SPTA1: variants seen among roughly 807,000 people sequenced by gnomAD.
The protein encoded by SPTA1 is spectrin alpha, erythrocytic 1.
Under a neutral mutation model 324.7 loss-of-function variants are expected in SPTA1, and 177 were observed. That is an observed-to-expected ratio of 0.55 (90% CI 0.48 to 0.62). SPTA1 has a LOEUF of 0.62. SPTA1 is among the 20% of genes least tolerant of loss of function. SPTA1 has a pLI of 0.00. For missense variants in SPTA1, 3,162 were observed against 2,883.6 expected, an observed-to-expected ratio of 1.10 and a Z score of -2.21; for synonymous variants, 1,195 against 1,041.3, an observed-to-expected ratio of 1.15 and a Z score of -2.84.
rs1175192775 is a variant in SPTA1 at position 158,677,726 on chromosome 1, C to T, written c.921G>A (p.Lys307=). The stretch of plus-strand genomic sequence containing the variant: ...TGACAGCAAGATTTCTCTCAAGTCC[C>T]TTGTGACTGTGAAACAGTCCTTCAG... ...VASEGLFHSH[K]GLERNLAVMS... Residue 307 remains lysine (K), a synonymous_variant, in exon 7 of 52, where the codon AAG becomes AAA. Transcript: ENST00000643759. 2 of 1,613,590 alleles carry T rather than the reference C, an allele frequency of 1.2e-6. No individual in the cohort carries two copies. The highest frequency in any genetic ancestry group is 8.5e-7 in the Non-Finnish European group (1 of 1,179,734).
chr1:158,614,327 A>T (rs1436673750), intron 48 of SPTA1, 21 bp from the exon 49 acceptor site: 2 of 1,428,030 alleles, frequency 1.4e-6, no homozygotes, highest in African/African-American at 2.8e-5. Context: ...AAAAAAAAAC[A>T]TGAATTTTCC....
Position 158,686,685 on chromosome 1 carries a change from A to G in SPTA1, c.-168T>C. The stretch of plus-strand genomic sequence containing the variant: ...GCTTGGTCCTAGAATCCCATCAGCC[A>G]TACACAATCGACATTATCTTTAGAA... On this transcript the variant is annotated 5_prime_UTR_variant, in exon 1 of 52. The change abolishes an upstream ATG in the 5' untranslated region. Coordinates refer to ENST00000643759, the MANE Select transcript of SPTA1 (RefSeq NM_003126.4). The G allele has an allele frequency of 5.0e-6, 3 of 597,206 alleles. No homozygotes were observed. Among genetic ancestry groups the G allele is most frequent in the Non-Finnish European group, 8.9e-6 (3 of 335,330 alleles). 37.0% of individuals were successfully genotyped at this position (597,206 alleles called of 1,614,324 possible).
In SPTA1 at chr1:158,661,353, T is replaced by A. The variant is rs1464300672; in HGVS notation, c.2521A>T (p.Asn841Tyr). The A allele has an allele frequency of 6.2e-7, 1 of 1,613,966 alleles. No individual in the cohort carries two copies. The highest frequency in any genetic ancestry group is 8.5e-7 in the Non-Finnish European group (1 of 1,179,914). ...LLNRHRVILE[N>Y]IASHEPRIQE... is the part of the protein sequence containing the mutation. ...ATGCGTGGTTCATGGCTGGCAATGT[T>A]CTCCAGGATGACTCTATGCCTATTC... Residue 841 changes from asparagine (N) to tyrosine (Y), a missense_variant, in exon 18 of 52, where the codon AAC becomes TAC. Asn to Tyr is a moderately radical substitution (Grantham distance 143). Transcript: ENST00000643759.
intron 36 of SPTA1, 109 bp downstream of exon 36, chr1:158,637,924 T>C: frequency 8.0e-7 from 1 of 1,255,798 alleles, no homozygotes; most frequent in Non-Finnish European, 1.2e-6. Flanking sequence ...GAAGTAGTGC[T>C]ATCTTCAAGA....
rs1288004049 is a variant in SPTA1, at chr1:158,686,580, A to G, written c.-63T>C. 1 of 1,311,722 alleles carries G rather than the reference A, an allele frequency of 7.6e-7. No homozygotes were observed. The highest frequency in any genetic ancestry group is 1.1e-6 in the Non-Finnish European group (1 of 905,292). The allele number at this position is 1,311,722 out of a possible 1,614,324, so 81.3% of individuals were successfully genotyped here. On this transcript the variant is annotated 5_prime_UTR_variant, in exon 1 of 52. Coordinates refer to ENST00000643759, the MANE Select transcript of SPTA1 (RefSeq NM_003126.4). Reference sequence around the variant, plus strand: ...GTCAGAGAGAGAGAGAGAGAGAAATAATTCAAATGGAACTGTCCAGTCGAA... The same window carrying G: ...GTCAGAGAGAGAGAGAGAGAGAAATGATTCAAATGGAACTGTCCAGTCGAA...
intron 20 of SPTA1, among the ~76,000 whole-genome samples, chr1:158,656,338 T>C (rs1353737193): frequency 6.6e-6 from 1 of 152,084 alleles, no homozygotes. Context: ...AAGCCAAAAA[T>C]ACATCAATGA....
chr1:158,668,325 C>A lies in SPTA1; in HGVS notation c.1834-263G>T, dbSNP rs879236. ...GAAGATCATTTTGAATATGACACCC[C>A]ATTCAAGCACTAACAATCAGAGCTG... On this transcript the variant is annotated intron_variant, in intron 14 of 51. Coordinates refer to ENST00000643759, the MANE Select transcript of SPTA1 (RefSeq NM_003126.4). 0.19 allele frequency among the ~76,000 whole-genome samples: 28,457 copies of A among 152,052 alleles called. 2,735 individuals carry two copies. The highest frequency in any genetic ancestry group is 0.26 in the South Asian group (1,265 of 4,816).
At position 158,676,238 on chromosome 1, in the gene SPTA1, G is replaced by A; in HGVS notation, c.1015C>T (p.Pro339Ser). The A allele has an allele frequency of 1.2e-6, 2 of 1,613,732 alleles. No individual in the cohort carries two copies. The highest frequency in any genetic ancestry group is 1.7e-6 in the Non-Finnish European group (2 of 1,179,754). Residue 339 changes from proline (P) to serine (S), a missense_variant, in exon 8 of 52, where the codon CCT (proline) becomes TCT (serine). By Grantham distance (74) the Pro-to-Ser change is moderately conservative (BLOSUM62 -1). Coordinates refer to ENST00000643759, the MANE Select transcript of SPTA1 (RefSeq NM_003126.4). ...KLTLSHPSDA[P>S]QIQEMKEDLV... is the part of the protein sequence containing the mutation. ...TCTTCTTTCATCTCCTGGATCTGAG[G>A]TGCATCTGAAGGATGGGAAAGTGTC... is the stretch of plus-strand genomic sequence containing the variant.
chr1:158,619,349 C>T lies in SPTA1; in HGVS notation c.6418-15G>A, dbSNP rs1231826125. On this transcript the variant is annotated splice_polypyrimidine_tract_variant and intron_variant, in intron 44 of 51. Transcript: ENST00000643759. Reference sequence around the variant, plus strand: ...TGCTCCCGTTCCTAAAACCCCAAATCACAGACAACGTGACTGACATCGAAG... The same window carrying T: ...TGCTCCCGTTCCTAAAACCCCAAATTACAGACAACGTGACTGACATCGAAG... 2 of 1,613,326 alleles carry T rather than the reference C, an allele frequency of 1.2e-6. No individual in the cohort carries two copies. The highest frequency in any genetic ancestry group is 2.7e-5 in the African/African-American group (2 of 74,910).
intron 42 of SPTA1, among the ~76,000 whole-genome samples, chr1:158,624,775 G>T (rs922411705): frequency 2.0e-5 from 3 of 152,162 alleles, no homozygotes; most frequent in Admixed American, 2.0e-4. Flanking sequence ...CACAAGTCTA[G>T]AAGCCAAGCA....
rs116573558 is a variant in SPTA1, at chr1:158,668,206, G to A, written c.1834-144C>T. 1.2e-3 allele frequency: 1,115 copies of A among 947,686 alleles called. 13 individuals are homozygous for A. The African/African-American group carries it at 0.016, about 14-fold the overall frequency. 58.7% of individuals were successfully genotyped at this position (947,686 alleles called of 1,614,324 possible). A position where few individuals can be genotyped will look rare whatever the true frequency, so the allele number is the denominator to read the frequency against. ...AAAGGGGGAAGTTTCCTAGTCCAAC[G>A]TTTGAGAAATTCATGCAATGAATCC... On this transcript the variant is annotated intron_variant, in intron 14 of 51. Coordinates refer to ENST00000643759, the MANE Select transcript of SPTA1 (RefSeq NM_003126.4).
At chr1:158,683,115 T>A (rs975425053) in intron 3 of SPTA1, among the ~76,000 whole-genome samples, 2 of 152,120 alleles carry the variant, frequency 1.3e-5, no homozygotes, top group East Asian at 1.9e-4. Flanking sequence ...GTGGGCTTGA[T>A]CTTGAGCCAA....
At chr1:158,662,138 A>T (rs1015116955) in intron 17 of SPTA1, among the ~76,000 whole-genome samples, 5 of 152,180 alleles carry the variant, frequency 3.3e-5, no homozygotes. Flanking sequence ...TCCCAGACTA[A>T]ACCTTTCATT....
chr1:158,661,518 A>G, intron 17 of SPTA1, 109 bp from the exon 18 acceptor site: 1 of 1,413,776 alleles, frequency 7.1e-7, no homozygotes, highest in Non-Finnish European at 9.9e-7. Context: ...TTGAAGTTCT[A>G]ACCATTGAGT....
chr1:158,642,758 T>C (rs857721), intron 32 of SPTA1, 56 bp downstream of exon 32: 1 of 1,612,824 alleles, frequency 6.2e-7, no homozygotes, highest in African/African-American at 1.3e-5. Flanking sequence ...GTGATGACTA[T>C]CCAACCAACA....
chr1:158,645,271 GA>G lies in SPTA1; in HGVS notation c.4110del (p.Gln1371LysfsTer5), dbSNP rs1336681469. On this transcript the variant is annotated frameshift_variant, in exon 29 of 52. Coordinates refer to ENST00000643759, the MANE Select transcript of SPTA1 (RefSeq NM_003126.4). LOFTEE classifies it high-confidence loss of function. ...HHASPEIEKK[L>X]QAVKLERDDL... ...TCATCTCTCTCTAGCTTGACAGCTT[GA>G]AGCTTTTTTTCAATTTCAGGGCTAG... 1 of 1,614,004 alleles carries G rather than the reference GA, an allele frequency of 6.2e-7. No individual in the cohort carries two copies. Among genetic ancestry groups the G allele is most frequent in the Non-Finnish European group, 8.5e-7 (1 of 1,179,946 alleles).
Position 158,612,967 on chromosome 1 carries a change from G to A in SPTA1, c.6990-6C>T. ...CCAGTGAGACATAGCCCTTCCTGTG[G>A]GAGAAATGGATCAGGAGCTGAGCCT... On this transcript the variant is annotated splice_region_variant and splice_polypyrimidine_tract_variant and intron_variant, in intron 50 of 51. Coordinates refer to ENST00000643759, the MANE Select transcript of SPTA1 (RefSeq NM_003126.4). The A allele has an allele frequency of 6.2e-7, 1 of 1,613,650 alleles. No homozygotes were observed.
At chr1:158,671,970 G>A (rs752645597) in intron 11 of SPTA1, 89 bp downstream of exon 11, 37 of 1,514,674 alleles carry the variant, frequency 2.4e-5, no homozygotes, top group Non-Finnish European at 3.3e-5. Flanking sequence ...ACTCACAGGA[G>A]TGGTTGTGAG....
chr1:158,669,328 A>G, intron 14 of SPTA1, 80 bp downstream of exon 14: 2 of 1,591,700 alleles, frequency 1.3e-6, no homozygotes, highest in Non-Finnish European at 1.7e-6. Flanking sequence ...TGAACGCTAA[A>G]GTTCATTTTA....
Sources: gnomAD v4.1 joint callset for allele counts (sites outside exome capture counted in the v4.1 genomes callset) on GRCh38, gnomAD v4.1.1 for gene constraint, MANE v1.5 for transcripts, NCBI Gene and HGNC (gene_info 2026-07-23, HGNC 2026-07-21) for gene names.